MAGI1: variants seen among roughly 807,000 people sequenced by gnomAD.
MAGI1 encodes the protein membrane associated guanylate kinase, WW and PDZ domain containing 1.
MAGI1 carries 58 observed loss-of-function variants against 139.9 expected under a neutral mutation model. The observed-to-expected ratio is 0.41, with a 90% CI of 0.34 to 0.52. The LOEUF (loss-of-function observed/expected upper bound fraction) is 0.52, where lower values mean the gene tolerates loss of function less well. Ranked by LOEUF, MAGI1 falls within the 20% of genes least tolerant of loss-of-function variation. MAGI1 has a pLI of 0.12. For synonymous variants in MAGI1, 812 were observed against 737.9 expected, an observed-to-expected ratio of 1.10 and a Z score of -1.63; for missense variants, 1,874 against 1,901.6, an observed-to-expected ratio of 0.99 and a Z score of 0.27.
At chr3:65,954,494 G>C (rs1041353222) in intron 1 of MAGI1, 2 of 152,622 alleles carry the variant, frequency 1.3e-5, no homozygotes, top group Non-Finnish European at 2.9e-5. Context: ...GGCGGATCCG[G>C]AAACAGGCAA....
chr3:65,914,987 T>C (rs926194386), intron 1 of MAGI1, among the ~76,000 whole-genome samples: 2 of 152,226 alleles, frequency 1.3e-5, no homozygotes, highest in African/African-American at 4.8e-5. Context: ...AGGCACTCAA[T>C]AAATGATAGT....
intron 2 of MAGI1, chr3:65,609,792 G>T: frequency 2.9e-6 from 1 of 340,188 alleles, no homozygotes; most frequent in Non-Finnish European, 6.0e-6. Flanking sequence ...GCCCAGGCTG[G>T]TCTCAAACTC....
At chr3:65,460,690 T>G (rs1949720030) in intron 5 of MAGI1, among the ~76,000 whole-genome samples, 1 of 147,856 alleles carries the variant, frequency 6.8e-6, no homozygotes, top group African/African-American at 2.5e-5. Context: ...ATGCTGTGCC[T>G]CCCCTTACCC....
At position 65,356,655 on chromosome 3, in the gene MAGI1, C is replaced by A. The variant is rs1940213539; in HGVS notation, c.4112G>T (p.Arg1371Ile). Residue 1371 changes from arginine to isoleucine, a missense_variant, in exon 23 of 23, where the codon AGA (arginine) becomes ATA (isoleucine). This residue lies in a region of MAGI1 where 653 missense variants were observed against 644.5 expected (regional missense o/e 1.01). Coordinates refer to ENST00000402939, the MANE Select transcript of MAGI1 (RefSeq NM_001033057.2). Reference protein sequence around the residue: ...RRRDGSPSRRRRSLERLLEQR... With the variant: ...RRRDGSPSRRIRSLERLLEQR... ...CTCCAGGAGTCTCTCCAGAGACCGT[C>A]TCCGCCGGCTGGGGGAGCCGTCTCT... The A allele has an allele frequency of 6.3e-7, 1 of 1,583,724 alleles. No homozygotes were observed. Among genetic ancestry groups the A allele is most frequent in the Non-Finnish European group, 8.6e-7 (1 of 1,166,376 alleles).
chr3:65,708,352 G>A (rs529875849), intron 1 of MAGI1, among the ~76,000 whole-genome samples: 1 of 150,302 alleles, frequency 6.7e-6, no homozygotes, highest in South Asian at 2.2e-4. Context: ...TTACCAGTGA[G>A]AAGCTCTTCT....
chr3:65,443,152 T>C (rs1004459090), intron 7 of MAGI1, among the ~76,000 whole-genome samples: 1 of 152,208 alleles, frequency 6.6e-6, no homozygotes, highest in South Asian at 2.1e-4. Context: ...AAACTTGCCT[T>C]GAATGCCTAG....
chr3:65,795,914 G>C (rs2108096867), intron 1 of MAGI1, among the ~76,000 whole-genome samples: 1 of 152,018 alleles, frequency 6.6e-6, no homozygotes, highest in East Asian at 1.9e-4. Context: ...AGTCAGGTGT[G>C]GTAGTGCACA....
chr3:65,462,278 C>A (rs1949851196), intron 5 of MAGI1, among the ~76,000 whole-genome samples: 1 of 152,162 alleles, frequency 6.6e-6, no homozygotes, highest in South Asian at 2.1e-4. Flanking sequence ...TTTAATCCAT[C>A]TTGAGTTAAT....
chr3:65,928,416 C>T (rs1429828915), intron 1 of MAGI1, among the ~76,000 whole-genome samples: 1 of 152,156 alleles, frequency 6.6e-6, no homozygotes, highest in Non-Finnish European at 1.5e-5. Flanking sequence ...GAAAGTTTTT[C>T]AGATATTGAA....
intron 1 of MAGI1, among the ~76,000 whole-genome samples, chr3:65,749,865 A>C (rs2036002558): frequency 6.6e-6 from 1 of 152,266 alleles, no homozygotes; most frequent in South Asian, 2.1e-4. Flanking sequence ...TATTTTTAAA[A>C]AGAGGTTTTG....
chr3:65,560,900 T>C (rs1026869099), intron 2 of MAGI1, among the ~76,000 whole-genome samples: 21 of 152,234 alleles, frequency 1.4e-4, no homozygotes, highest in Middle Eastern at 3.2e-3. Context: ...AAGTGATTCA[T>C]AAATTTTTGC....
intron 1 of MAGI1, among the ~76,000 whole-genome samples, chr3:65,762,673 T>C (rs2037131069): frequency 6.6e-6 from 1 of 152,142 alleles, no homozygotes; most frequent in Admixed American, 6.5e-5. Context: ...GGTGTGTTAT[T>C]ATAGGTTAGG....
chr3:65,509,025 CAAG>C (rs920312208), intron 2 of MAGI1, among the ~76,000 whole-genome samples: 20 of 152,308 alleles, frequency 1.3e-4, no homozygotes, highest in African/African-American at 4.8e-4. Flanking sequence ...GGAGCTCTTA[CAAG>C]AAGTTTTCAC....
At chr3:65,672,796 G>A (rs150158485) in intron 1 of MAGI1, among the ~76,000 whole-genome samples, 5 of 152,246 alleles carry the variant, frequency 3.3e-5, no homozygotes, top group Non-Finnish European at 5.9e-5. Flanking sequence ...TTTAAAGCAC[G>A]TACTACCAGT....
chr3:65,557,580 TA>T (rs1243962477), intron 2 of MAGI1, among the ~76,000 whole-genome samples: 1 of 152,230 alleles, frequency 6.6e-6, no homozygotes, highest in Non-Finnish European at 1.5e-5. Flanking sequence ...TAGCAATAGA[TA>T]ATGAATATGC....
chr3:65,642,485 C>T (rs2085034189), intron 1 of MAGI1, among the ~76,000 whole-genome samples: 1 of 152,130 alleles, frequency 6.6e-6, no homozygotes, highest in Non-Finnish European at 1.5e-5. Flanking sequence ...TCTTCTTCAA[C>T]CAGATACCAA....
rs551559624 is a variant in MAGI1 at position 65,368,695 on chromosome 3, C to T, written c.3197-3749G>A. On this transcript the variant is annotated intron_variant, in intron 18 of 22. Coordinates refer to ENST00000402939, the MANE Select transcript of MAGI1 (RefSeq NM_001033057.2). Reference sequence around the variant, plus strand: ...GGGCGGCATGGGGAAATTTGAATCCCATAAATATTTGAAAAGTTTTGGGGG... The same window carrying T: ...GGGCGGCATGGGGAAATTTGAATCCTATAAATATTTGAAAAGTTTTGGGGG... 2.6e-5 allele frequency among the ~76,000 whole-genome samples: 4 copies of T among 152,250 alleles called. No individual in the cohort carries two copies. The South Asian group carries it at 6.2e-4, about 24-fold the overall frequency.
chr3:65,462,011 C>T lies in MAGI1; in HGVS notation c.959+8272G>A, dbSNP rs1327797045. 3.9e-5 allele frequency among the ~76,000 whole-genome samples: 6 copies of T among 152,080 alleles called. No individual in the cohort carries two copies. The East Asian group carries it at 1.2e-3, about 29-fold the overall frequency. On this transcript the variant is annotated intron_variant, in intron 5 of 22. Transcript: ENST00000402939. ...AATTTGTTTAAGTTCCTTGTAGATG[C>T]TGGATGTTAGCCCTTTGAATGGATA...
chr3:65,867,705 A>G (rs1409818781), intron 1 of MAGI1, among the ~76,000 whole-genome samples: 1 of 152,132 alleles, frequency 6.6e-6, no homozygotes, highest in Non-Finnish European at 1.5e-5. Context: ...GTGAGCCATG[A>G]TCTCACCACT....
Sources: gnomAD v4.1 joint callset for allele counts (sites outside exome capture counted in the v4.1 genomes callset) on GRCh38, gnomAD v4.1.1 for gene constraint, gnomAD v4.1.1 regional missense constraint, MANE v1.5 for transcripts, NCBI Gene and HGNC (gene_info 2026-07-23, HGNC 2026-07-21) for gene names.